The following THSD4 variants were observed in gnomAD, a reference collection of about 807,000 sequenced individuals.
The protein encoded by THSD4 is thrombospondin type 1 domain containing 4, also known as thrombospondin type-1 domain-containing protein 4.
In THSD4, 69 loss-of-function variants were observed where a neutral mutation model predicts 119.0. That is an observed-to-expected ratio of 0.58 (90% confidence interval 0.48 to 0.71). THSD4 has a LOEUF of 0.71. Among genes scored for constraint, THSD4 ranks in the 30% least tolerant of loss-of-function variants. The pLI, the probability that THSD4 is intolerant of heterozygous loss-of-function variation, is 0.00. For synonymous variants in THSD4, 524 were observed against 540.4 expected, an observed-to-expected ratio of 0.97 and a Z score of 0.42; for missense variants, 1,393 against 1,391.1, an observed-to-expected ratio of 1.00 and a Z score of -0.02.
At chr15:71,685,514 T>G (rs1226564108) in intron 8 of THSD4, among the ~76,000 whole-genome samples, 1 of 152,098 alleles carries the variant, frequency 6.6e-6, no homozygotes, top group African/African-American at 2.4e-5. Flanking sequence ...TTGAGAAGAG[T>G]GGCATCATTT....
chr15:71,612,524 T>G (rs2050249487), intron 7 of THSD4, among the ~76,000 whole-genome samples: 1 of 152,174 alleles, frequency 6.6e-6, no homozygotes, highest in Admixed American at 6.5e-5. Flanking sequence ...CCTAACACTG[T>G]TAGGCTGTTT....
intron 10 of THSD4, chr15:71,733,785 T>C (rs2053027512): frequency 6.6e-6 from 1 of 151,662 alleles, no homozygotes; most frequent in Non-Finnish European, 1.5e-5. Flanking sequence ...CTGGATGTGG[T>C]GGCACTCACC....
Position 71,200,814 on chromosome 15 carries a change from C to G in THSD4, c.100-14221C>G, listed in dbSNP as rs543808347. On this transcript the variant is annotated intron_variant, in intron 3 of 17. Transcript: ENST00000261862. ...CACAGAGTGAAAATACAATGCAACTCCATCCACAATCACCAAGGGCAACAG... is the reference window on the plus strand; with the variant it reads ...CACAGAGTGAAAATACAATGCAACTGCATCCACAATCACCAAGGGCAACAG... Among the ~76,000 whole-genome samples, 205 of 152,238 alleles carry G rather than the reference C, an allele frequency of 1.3e-3. 1 individual carries two copies. Among genetic ancestry groups the G allele is most frequent in the Non-Finnish European group, 2.6e-3 (176 of 68,028 alleles).
At chr15:71,772,781 ATAAG>A (rs956385364) in intron 17 of THSD4, among the ~76,000 whole-genome samples, 3 of 152,224 alleles carry the variant, frequency 2.0e-5, no homozygotes, top group Non-Finnish European at 2.9e-5. Context: ...AGGGGGAATG[ATAAG>A]TAAGTGGGGA....
At chr15:71,338,107 C>CT (rs2045512055) in intron 6 of THSD4, among the ~76,000 whole-genome samples, 2 of 152,170 alleles carry the variant, frequency 1.3e-5, no homozygotes, top group Admixed American at 1.3e-4. Flanking sequence ...TTATTTTTCT[C>CT]TAAGAACTGG....
intron 7 of THSD4, among the ~76,000 whole-genome samples, chr15:71,491,614 G>T (rs1345376532): frequency 6.6e-6 from 1 of 152,158 alleles, no homozygotes; most frequent in Non-Finnish European, 1.5e-5. Flanking sequence ...GCTCACGCCT[G>T]TAATCCCAAC....
intron 7 of THSD4, among the ~76,000 whole-genome samples, chr15:71,510,007 A>G (rs2048254036): frequency 6.6e-6 from 1 of 152,238 alleles, no homozygotes; most frequent in African/African-American, 2.4e-5. Flanking sequence ...TCTAATATCC[A>G]TATTGGCAGA....
At chr15:71,308,617 T>G (rs1396359877) in intron 6 of THSD4, among the ~76,000 whole-genome samples, 1 of 152,244 alleles carries the variant, frequency 6.6e-6, no homozygotes, top group Non-Finnish European at 1.5e-5. Flanking sequence ...CCAAGTAATA[T>G]TCCATGGTTT....
At chr15:71,684,564 T>G (rs2051867198) in intron 8 of THSD4, among the ~76,000 whole-genome samples, 1 of 152,046 alleles carries the variant, frequency 6.6e-6, no homozygotes, top group African/African-American at 2.4e-5. Flanking sequence ...TTTTGGCACC[T>G]ACTTACGTTA....
chr15:71,189,968 G>A lies in THSD4; in HGVS notation c.100-25067G>A, dbSNP rs564108817. On this transcript the variant is annotated intron_variant, in intron 3 of 17. Transcript: ENST00000261862. ...CTCATCCCGCCCACGCACTGCTGGGGTGGAAGGCTCCTGGACTCTGCATGC... is the reference window on the plus strand; with the variant it reads ...CTCATCCCGCCCACGCACTGCTGGGATGGAAGGCTCCTGGACTCTGCATGC... Among the ~76,000 whole-genome samples, 346 of 152,292 alleles carry A rather than the reference G, an allele frequency of 2.3e-3. 1 individual carries two copies. Among genetic ancestry groups the A allele is most frequent in the African/African-American group, 6.7e-3 (278 of 41,568 alleles).
intron 16 of THSD4, among the ~76,000 whole-genome samples, chr15:71,770,493 A>G (rs868737623): frequency 9.2e-5 from 14 of 151,956 alleles, no homozygotes; most frequent in Non-Finnish European, 1.5e-5. Context: ...CGTCTCTACT[A>G]AAAATACAAA....
intron 7 of THSD4, among the ~76,000 whole-genome samples, chr15:71,434,683 A>C (rs2046987995): frequency 6.6e-6 from 1 of 152,058 alleles, no homozygotes; most frequent in African/African-American, 2.4e-5. Context: ...TTCTTATGGG[A>C]GAACAATATC....
chr15:71,121,957 A>T (rs1039039420), intron 1 of THSD4, among the ~76,000 whole-genome samples: 19 of 152,000 alleles, frequency 1.3e-4, no homozygotes, highest in African/African-American at 4.4e-4. Context: ...GCCGCTTGGG[A>T]ATCATGTAGG....
chr15:71,505,944 C>T (rs1181036574), intron 7 of THSD4, among the ~76,000 whole-genome samples: 1 of 152,128 alleles, frequency 6.6e-6, no homozygotes, highest in African/African-American at 2.4e-5. Context: ...ACAAGAAAAC[C>T]TTTAAAACTT....
At chr15:71,543,044 TCC>T (rs2048783536) in intron 7 of THSD4, among the ~76,000 whole-genome samples, 1 of 123,684 alleles carries the variant, frequency 8.1e-6, no homozygotes, top group African/African-American at 2.7e-5. Flanking sequence ...AATTGTGGTC[TCC>T]TGGATTGGGT....
intron 7 of THSD4, among the ~76,000 whole-genome samples, chr15:71,633,773 A>T (rs1175955135): frequency 6.6e-6 from 1 of 152,236 alleles, no homozygotes; most frequent in Non-Finnish European, 1.5e-5. Context: ...GAGTAGCAGA[A>T]TGGATATGGG....
Position 71,738,225 on chromosome 15 carries a change from C to G in THSD4, c.1906+218C>G, listed in dbSNP as rs994909189. On this transcript the variant is annotated intron_variant, in intron 11 of 17. Coordinates refer to ENST00000261862, the MANE Select transcript of THSD4 (RefSeq NM_024817.3). ...TAGTTAGAGTCTCATAAGGAGCATGCAACCTAGATCCCTTGCCTGCACAGT... is the reference window on the plus strand; with the variant it reads ...TAGTTAGAGTCTCATAAGGAGCATGGAACCTAGATCCCTTGCCTGCACAGT... The G allele has an allele frequency of 2.0e-5, 12 of 602,462 alleles. No homozygotes were observed. In the Admixed American group the frequency reaches 3.3e-4, roughly 17 times the overall value. The allele number at this position is 602,462 out of a possible 1,614,324, so 37.3% of individuals were successfully genotyped here.
intron 1 of THSD4, among the ~76,000 whole-genome samples, chr15:71,103,420 T>A (rs906398179): frequency 6.6e-6 from 1 of 152,118 alleles, no homozygotes; most frequent in African/African-American, 2.4e-5. Flanking sequence ...AACATAAGTT[T>A]GTGGGATTTC....
intron 6 of THSD4, among the ~76,000 whole-genome samples, chr15:71,334,557 G>C (rs1381915261): frequency 6.6e-6 from 1 of 152,180 alleles, no homozygotes; most frequent in East Asian, 1.9e-4. Context: ...GGGGCAGTTG[G>C]TGCATGGCTG....
Sources: gnomAD v4.1 joint callset for allele counts (sites outside exome capture counted in the v4.1 genomes callset) on GRCh38, gnomAD v4.1.1 for gene constraint, MANE v1.5 for transcripts, NCBI Gene and HGNC (gene_info 2026-07-23, HGNC 2026-07-21) for gene names.